STK32B: variants seen among roughly 807,000 people sequenced by gnomAD.
STK32B encodes serine/threonine-protein kinase 32B.
A neutral mutation model predicts 52.6 loss-of-function variants in STK32B; 43 were observed. That is an observed-to-expected ratio of 0.82 (90% CI 0.64 to 1.05). The LOEUF (loss-of-function observed/expected upper bound fraction) is 1.05, where lower values mean the gene tolerates loss of function less well. STK32B is among the 50% of genes least tolerant of loss of function. STK32B has a pLI of 0.00. For synonymous variants in STK32B, 238 were observed against 204.3 expected, an observed-to-expected ratio of 1.17 and a Z score of -1.41; for missense variants, 621 against 534.6, an observed-to-expected ratio of 1.16 and a Z score of -1.59.
At chr4:5,087,572 A>G (rs560437379) in intron 1 of STK32B, among the ~76,000 whole-genome samples, 1 of 140,890 alleles carries the variant, frequency 7.1e-6, no homozygotes, top group African/African-American at 3.2e-5. Context: ...AGGGACAAAT[A>G]ATTTGATAGA....
At chr4:5,263,230 G>A (rs1262478353) in intron 3 of STK32B, among the ~76,000 whole-genome samples, 1 of 152,176 alleles carries the variant, frequency 6.6e-6, no homozygotes, top group African/African-American at 2.4e-5. Flanking sequence ...TATCAATGCA[G>A]TCCCATATAA....
intron 4 of STK32B, among the ~76,000 whole-genome samples, chr4:5,358,955 T>G (rs535236921): frequency 9.2e-5 from 14 of 152,306 alleles, no homozygotes; most frequent in African/African-American, 3.4e-4. Context: ...AATAGGATTT[T>G]GATAGGTACA....
chr4:5,130,884 T>C (rs889134224), intron 1 of STK32B, among the ~76,000 whole-genome samples: 2 of 151,780 alleles, frequency 1.3e-5, no homozygotes, highest in Non-Finnish European at 3.0e-5. Context: ...AAATCCTTTC[T>C]TCTTCTCATC....
chr4:5,302,225 A>G lies in STK32B; in HGVS notation c.261-28995A>G, dbSNP rs546677704. On this transcript the variant is annotated intron_variant, in intron 3 of 11. Coordinates refer to ENST00000282908, the MANE Select transcript of STK32B (RefSeq NM_018401.3). ...CAAAAATTGTAAAAAAAAAAATCACAAAGAATTATATATGCTTTCAGTGTA... is the reference window on the plus strand; with the variant it reads ...CAAAAATTGTAAAAAAAAAAATCACGAAGAATTATATATGCTTTCAGTGTA... Among the ~76,000 whole-genome samples, 7 of 150,994 alleles carry G rather than the reference A, an allele frequency of 4.6e-5. No homozygotes were observed. The South Asian group carries it at 1.5e-3, about 32-fold the overall frequency.
chr4:5,475,297 C>T (rs368354189), intron 11 of STK32B, among the ~76,000 whole-genome samples: 3 of 151,208 alleles, frequency 2.0e-5, no homozygotes, highest in Admixed American at 6.6e-5. Context: ...TGGTGGCAGG[C>T]GCCTGTAATC....
chr4:5,499,233 T>A lies in STK32B; in HGVS notation c.*150T>A. The A allele has an allele frequency of 8.8e-7, 1 of 1,137,622 alleles. No individual in the cohort carries two copies. The highest frequency in any genetic ancestry group is 1.2e-6 in the Non-Finnish European group (1 of 839,570). 70.5% of individuals were successfully genotyped at this position (1,137,622 alleles called of 1,614,324 possible). Reference sequence around the variant, plus strand: ...ACTTGGAGCTGGGAAGCCTGGGTTCTGGTCCCATCTCCATGACTGATTCAC... The same window carrying A: ...ACTTGGAGCTGGGAAGCCTGGGTTCAGGTCCCATCTCCATGACTGATTCAC... On this transcript the variant is annotated 3_prime_UTR_variant, in exon 12 of 12. Coordinates refer to ENST00000282908, the MANE Select transcript of STK32B (RefSeq NM_018401.3).
chr4:5,312,512 C>T (rs1730367767), intron 3 of STK32B, among the ~76,000 whole-genome samples: 1 of 151,506 alleles, frequency 6.6e-6, no homozygotes, highest in Non-Finnish European at 1.5e-5. Context: ...TGTTCAATTC[C>T]CACCTGTGAG....
intron 6 of STK32B, among the ~76,000 whole-genome samples, chr4:5,421,202 G>A (rs1263900393): frequency 6.6e-6 from 1 of 152,116 alleles, no homozygotes; most frequent in Admixed American, 6.5e-5. Context: ...CCATTCTCCT[G>A]CCTTAGCCTC....
chr4:5,290,341 A>G (rs10012391), intron 3 of STK32B, among the ~76,000 whole-genome samples: 16,230 of 152,238 alleles, frequency 0.11, 898 homozygotes, highest in South Asian at 0.17. Context: ...AACATTTTAC[A>G]GCTAAACAAA....
chr4:5,230,556 C>T (rs958397555), intron 3 of STK32B, among the ~76,000 whole-genome samples: 5 of 152,010 alleles, frequency 3.3e-5, no homozygotes, highest in Admixed American at 6.6e-5. Context: ...TCTATACTCA[C>T]GAGAGTATGA....
Position 5,398,514 on chromosome 4 carries a change from G to A in STK32B, c.472+270G>A, listed in dbSNP as rs1309144668. On this transcript the variant is annotated intron_variant, in intron 5 of 11. Coordinates refer to ENST00000282908, the MANE Select transcript of STK32B (RefSeq NM_018401.3). This position sits in a 1 kb window ranked among gnomAD's most constrained non-coding sequence, Gnocchi z 4.9. ...GTGAGGAGGACAGGGCCGCCGTGAG[G>A]ATGAGCCCGGGGTTCCAACCCCAAC... 6.6e-6 allele frequency among the ~76,000 whole-genome samples: 1 copy of A among 152,166 alleles called. No homozygotes were observed. Among genetic ancestry groups the A allele is most frequent in the Non-Finnish European group, 1.5e-5 (1 of 68,036 alleles).
chr4:5,464,890 G>C (rs1052693922), intron 9 of STK32B, among the ~76,000 whole-genome samples: 1 of 152,200 alleles, frequency 6.6e-6, no homozygotes, highest in African/African-American at 2.4e-5. Flanking sequence ...ATGAGTGGCA[G>C]GTAAAACAGG....
chr4:5,025,038 C>T, the STK32B span, among the ~76,000 whole-genome samples: 2 of 152,310 alleles, frequency 1.3e-5, no homozygotes, highest in East Asian at 1.9e-4. Context: ...CACCTTCATT[C>T]GTGGGTCTCT....
In STK32B at chr4:5,470,208, A is replaced by T. The variant is rs1373019312; in HGVS notation, c.1106+2138A>T. On this transcript the variant is annotated intron_variant, in intron 11 of 11. Coordinates refer to ENST00000282908, the MANE Select transcript of STK32B (RefSeq NM_018401.3). This position sits in a 1 kb window ranked among gnomAD's most constrained non-coding sequence, Gnocchi z 4.6. ...AGAAACCTCACTATATAGGAGCTTCAGCCGAGTAGATGTTTTCTTCCTCAC... is the reference window on the plus strand; with the variant it reads ...AGAAACCTCACTATATAGGAGCTTCTGCCGAGTAGATGTTTTCTTCCTCAC... Among the ~76,000 whole-genome samples, 1 of 152,198 alleles carries T rather than the reference A, an allele frequency of 6.6e-6. No individual in the cohort carries two copies. Among genetic ancestry groups the T allele is most frequent in the Admixed American group, 6.5e-5 (1 of 15,282 alleles).
At position 5,281,657 on chromosome 4, in the gene STK32B, A is replaced by G. The variant is rs60236412; in HGVS notation, c.261-49563A>G. Among the ~76,000 whole-genome samples, 6 of 152,338 alleles carry G rather than the reference A, an allele frequency of 3.9e-5. No individual in the cohort carries two copies. The East Asian group carries it at 9.6e-4, about 24-fold the overall frequency. Reference sequence around the variant, plus strand: ...AAAAAATAATAATACCATGATGTAAATTTTAAATCATGCTAAACTCAGCAA... The same window carrying G: ...AAAAAATAATAATACCATGATGTAAGTTTTAAATCATGCTAAACTCAGCAA... On this transcript the variant is annotated intron_variant, in intron 3 of 11. Transcript: ENST00000282908.
At chr4:5,459,582 A>G (rs1206144270) in intron 8 of STK32B, among the ~76,000 whole-genome samples, 1 of 152,152 alleles carries the variant, frequency 6.6e-6, no homozygotes, top group East Asian at 1.9e-4. Flanking sequence ...TTCTTATGCT[A>G]CCTCACTCCT....
chr4:5,223,449 G>T (rs994044646), intron 3 of STK32B, among the ~76,000 whole-genome samples: 3 of 152,138 alleles, frequency 2.0e-5, no homozygotes, highest in African/African-American at 7.2e-5. Flanking sequence ...GGCATGGGTT[G>T]TGCCCAGCAA....
chr4:5,089,608 C>A (rs879119110), intron 1 of STK32B, among the ~76,000 whole-genome samples: 1 of 152,048 alleles, frequency 6.6e-6, no homozygotes, highest in Admixed American at 6.6e-5. Flanking sequence ...TGGGTTGGTT[C>A]CATGTCTTTG....
At chr4:5,149,631 C>G (rs1260240294) in intron 2 of STK32B, among the ~76,000 whole-genome samples, 1 of 151,802 alleles carries the variant, frequency 6.6e-6, no homozygotes, top group Non-Finnish European at 1.5e-5. Flanking sequence ...ATCTACCACC[C>G]TATCTGTCCT....
Sources: gnomAD v4.1 joint callset for allele counts (sites outside exome capture counted in the v4.1 genomes callset) on GRCh38, gnomAD v4.1.1 for gene constraint, Gnocchi (gnomAD v3.1) non-coding constraint, MANE v1.5 for transcripts, NCBI Gene and HGNC (gene_info 2026-07-23, HGNC 2026-07-21) for gene names.